MREG: variants seen among roughly 807,000 people sequenced by gnomAD.
MREG encodes the protein dilute suppressor protein homolog.
A neutral mutation model predicts 28.5 loss-of-function variants in MREG; 31 were observed. The observed-to-expected ratio is 1.09, with a 90% CI of 0.82 to 1.47. The LOEUF is 1.47. Among genes scored for constraint, MREG ranks in the 40% most tolerant of loss-of-function variants. The pLI, the probability that MREG is intolerant of heterozygous loss-of-function variation, is 0.00. For missense variants in MREG, 256 were observed against 257.4 expected (o/e 0.99, Z 0.04); for synonymous variants, 106 against 95.2 (o/e 1.11, Z -0.66).
chr2:216,014,261 T>C (rs1039797800), upstream of MREG, among the ~76,000 whole-genome samples: 1 of 152,280 alleles, frequency 6.6e-6, no homozygotes, highest in African/African-American at 2.4e-5. Context: ...CAGACCCCTA[T>C]TGATGGACAT....
At position 215,994,610 on chromosome 2, in the gene MREG, G is replaced by A. The variant is rs939723594; in HGVS notation, c.255+1696C>T. The stretch of plus-strand genomic sequence containing the variant: ...AAGGGGAAGAAGAAGGAGAAGAAGA[G>A]GAAGAAGAAGAGAAGAAGGAGGGGG... On this transcript the variant is annotated intron_variant, in intron 2 of 4. Coordinates refer to ENST00000263268, the MANE Select transcript of MREG (RefSeq NM_018000.3). 3.3e-5 allele frequency among the ~76,000 whole-genome samples: 5 copies of A among 149,468 alleles called. No individual in the cohort carries two copies. The East Asian group carries it at 7.8e-4, about 23-fold the overall frequency.
At chr2:215,949,077 ACT>A (rs780468964) in intron 2 of MREG, among the ~76,000 whole-genome samples, 14,898 of 118,204 alleles carry the variant, frequency 0.13, 816 homozygotes, top group Non-Finnish European at 0.14. Context: ...TACTACTACT[ACT>A]ACTACTACTA....
At chr2:215,980,865 G>GAGGGCAGGGC (rs1247891694) in intron 2 of MREG, among the ~76,000 whole-genome samples, 7 of 140,978 alleles carry the variant, frequency 5.0e-5, no homozygotes, top group African/African-American at 7.7e-5. Context: ...GAGGGGAGGG[G>GAGGGCAGGGC]AGGGCAGGGC....
intron 2 of MREG, among the ~76,000 whole-genome samples, chr2:215,975,008 T>TTATATATATATATTTATA (rs1553550370): frequency 1.4e-4 from 15 of 106,608 alleles, no homozygotes; most frequent in Admixed American, 7.9e-4. Flanking sequence ...TTTATATGAA[T>TTATATATATATATTTATA]TATATATATA....
intron 2 of MREG, among the ~76,000 whole-genome samples, chr2:215,993,019 C>T (rs1693761997): frequency 6.6e-6 from 1 of 152,144 alleles, no homozygotes. Flanking sequence ...AATGCTATCC[C>T]CATCAAGCTA....
At position 216,013,487 on chromosome 2, in the gene MREG, ACGCGGGCGAGGG is replaced by A. The variant is rs1694374525; in HGVS notation, c.-172_-161del. On this transcript the variant is annotated 5_prime_UTR_variant, in exon 1 of 5. Coordinates refer to ENST00000263268, the MANE Select transcript of MREG (RefSeq NM_018000.3). ...CGCGCGCATCACGCCGCGGCCGGGG[ACGCGGGCGAGGG>A]CTGCAGGCCGCGCGCCCTCCTCTCC... 8.5e-6 allele frequency: 2 copies of A among 236,362 alleles called. No individual in the cohort carries two copies. The highest frequency in any genetic ancestry group is 4.7e-5 in the African/African-American group (2 of 42,986). The allele number at this position is 236,362 out of a possible 1,614,324, so 14.6% of individuals were successfully genotyped here. A position where few individuals can be genotyped will look rare whatever the true frequency, so the allele number is the denominator to read the frequency against.
chr2:216,024,698 A>G (rs1694568939), intron 1 of MREG, among the ~76,000 whole-genome samples: 4 of 151,582 alleles, frequency 2.6e-5, no homozygotes, highest in Admixed American at 2.6e-4. Context: ...ACATGGTGAA[A>G]CCCCATCTCT....
intron 1 of MREG, among the ~76,000 whole-genome samples, chr2:216,027,507 C>T (rs1044653805): frequency 1.3e-5 from 2 of 152,186 alleles, no homozygotes; most frequent in African/African-American, 4.8e-5. Flanking sequence ...GCCTGGCCAA[C>T]ATGGTGAAAC....
chr2:215,942,276 A>G (rs573435885), downstream of MREG, among the ~76,000 whole-genome samples: 1 of 152,316 alleles, frequency 6.6e-6, no homozygotes, highest in South Asian at 2.1e-4. Context: ...AAAAAATGAA[A>G]AAGGAGTACT....
At chr2:216,008,811 C>A in intron 1 of MREG, among the ~76,000 whole-genome samples, 1 of 152,148 alleles carries the variant, frequency 6.6e-6, no homozygotes, top group African/African-American at 2.4e-5. Flanking sequence ...TACAACAGTG[C>A]CTAGTCTGTC....
intron 1 of MREG, among the ~76,000 whole-genome samples, chr2:216,005,106 T>C (rs888084048): frequency 6.6e-6 from 1 of 152,038 alleles, no homozygotes; most frequent in Non-Finnish European, 1.5e-5. Flanking sequence ...CCATACTTAA[T>C]AGCCCAAAAC....
At chr2:216,007,860 T>C (rs1694202070) in intron 1 of MREG, among the ~76,000 whole-genome samples, 2 of 152,076 alleles carry the variant, frequency 1.3e-5, no homozygotes, top group South Asian at 2.1e-4. Context: ...ACCTGAGATA[T>C]AGGGTGTTGG....
Position 216,025,025 on chromosome 2 carries a change from A to G in MREG, c.-68+7764T>C, listed in dbSNP as rs372053498. 1.8e-4 allele frequency among the ~76,000 whole-genome samples: 27 copies of G among 152,234 alleles called. No homozygotes were observed. In the East Asian group the frequency reaches 2.5e-3, roughly 14 times the overall value. ...AAGGAAAGGAAAGGAAGAAAGAAAGAAAATGTATTATAAAGATGAACTGGC... is the reference window on the plus strand; with the variant it reads ...AAGGAAAGGAAAGGAAGAAAGAAAGGAAATGTATTATAAAGATGAACTGGC... On this transcript the variant is annotated intron_variant, in intron 1 of 3. Coordinates refer to the MREG transcript ENST00000420348.
chr2:215,942,403 C>T (rs1023796025), downstream of MREG, among the ~76,000 whole-genome samples: 2 of 152,208 alleles, frequency 1.3e-5, no homozygotes, highest in African/African-American at 4.8e-5. Context: ...GGCACCCCTG[C>T]GCCCCTCTCA....
intron 1 of MREG, 119 bp from the exon 2 acceptor site, chr2:215,996,584 G>C (rs1693881541): frequency 1.4e-6 from 1 of 697,260 alleles, no homozygotes; most frequent in Non-Finnish European, 2.3e-6. Flanking sequence ...TAAATATATT[G>C]TCAAAAAGGT....
intron 2 of MREG, among the ~76,000 whole-genome samples, chr2:215,988,744 G>T (rs568948115): frequency 6.3e-4 from 96 of 152,346 alleles, no homozygotes; most frequent in African/African-American, 2.2e-3. Flanking sequence ...TGGGCAGGCA[G>T]TTTTTCCCCT....
At chr2:216,007,378 T>C (rs189588298) in intron 1 of MREG, among the ~76,000 whole-genome samples, 8 of 152,170 alleles carry the variant, frequency 5.3e-5, no homozygotes, top group Non-Finnish European at 1.0e-4. Context: ...GAAACAAGCG[T>C]CCTTTTTGTG....
chr2:215,966,987 C>T (rs1220052804), intron 2 of MREG, among the ~76,000 whole-genome samples: 1 of 152,150 alleles, frequency 6.6e-6, no homozygotes, highest in African/African-American at 2.4e-5. Flanking sequence ...ATTCTGCCTC[C>T]CTGACTCAAG....
chr2:215,966,240 A>C (rs1402696165), intron 2 of MREG, among the ~76,000 whole-genome samples: 1 of 152,022 alleles, frequency 6.6e-6, no homozygotes, highest in Non-Finnish European at 1.5e-5. Flanking sequence ...CGGAATTATT[A>C]GTAAAGCTTA....
Sources: gnomAD v4.1 joint callset for allele counts (sites outside exome capture counted in the v4.1 genomes callset) on GRCh38, gnomAD v4.1.1 for gene constraint, MANE v1.5 for transcripts, NCBI Gene and HGNC (gene_info 2026-07-23, HGNC 2026-07-21) for gene names.